The following GPAT3 variants were observed in gnomAD, a reference collection of about 807,000 sequenced individuals.
GPAT3 encodes the protein glycerol-3-phosphate acyltransferase 3.
GPAT3 carries 53 observed loss-of-function variants against 58.8 expected under a neutral mutation model. That is an observed-to-expected ratio of 0.90 (90% CI 0.72 to 1.13). The LOEUF is 1.13. Ranked by LOEUF, GPAT3 falls within the 50% of genes most tolerant of loss-of-function variation. GPAT3 has a pLI of 0.00. For missense variants in GPAT3, 511 were observed against 527.6 expected, an observed-to-expected ratio of 0.97 and a Z score of 0.31; for synonymous variants, 197 against 187.4, an observed-to-expected ratio of 1.05 and a Z score of -0.42.
intron 2 of GPAT3, among the ~76,000 whole-genome samples, chr4:83,558,852 T>C (rs1725030616): frequency 6.6e-6 from 1 of 152,180 alleles, no homozygotes; most frequent in Non-Finnish European, 1.5e-5. Context: ...TCTGTGAATC[T>C]GTTAAGTGAG....
chr4:83,581,123 C>A (rs932813978), intron 2 of GPAT3, among the ~76,000 whole-genome samples: 86 of 131,366 alleles, frequency 6.5e-4, no homozygotes, highest in African/African-American at 1.7e-3. Flanking sequence ...AAAAAAAAAT[C>A]AACTTTTTGC....
chr4:83,589,102 A>G (rs1726492940), intron 5 of GPAT3, among the ~76,000 whole-genome samples: 1 of 152,220 alleles, frequency 6.6e-6, no homozygotes, highest in Admixed American at 6.5e-5. Flanking sequence ...CAATTGGACT[A>G]TGAGTTTTAA....
intron 2 of GPAT3, among the ~76,000 whole-genome samples, chr4:83,568,507 T>C (rs1225755567): frequency 6.6e-6 from 1 of 151,140 alleles, no homozygotes; most frequent in Admixed American, 6.6e-5. Flanking sequence ...TCATTTGTAT[T>C]CACTTTTTTT....
chr4:83,560,033 C>T (rs893530365), intron 2 of GPAT3, among the ~76,000 whole-genome samples: 1 of 152,192 alleles, frequency 6.6e-6, no homozygotes, highest in Non-Finnish European at 1.5e-5. Context: ...CTTTGTGAAG[C>T]AGCCTCAGAA....
chr4:83,569,845 A>G (rs1246290951), intron 2 of GPAT3, among the ~76,000 whole-genome samples: 1 of 152,210 alleles, frequency 6.6e-6, no homozygotes, highest in Non-Finnish European at 1.5e-5. Context: ...AGTTAAAAAA[A>G]AAAGGGTGAA....
intron 6 of GPAT3, among the ~76,000 whole-genome samples, 172 bp from the exon 7 acceptor site, chr4:83,594,673 T>C (rs1726743680): frequency 6.6e-6 from 1 of 152,236 alleles, no homozygotes; most frequent in Non-Finnish European, 1.5e-5. Context: ...TACTAAAGAA[T>C]ACCTTTTTGC....
chr4:83,587,781 C>A (rs767999228), intron 4 of GPAT3, among the ~76,000 whole-genome samples: 4 of 152,162 alleles, frequency 2.6e-5, no homozygotes, highest in African/African-American at 4.8e-5. Flanking sequence ...CTCACTTCAT[C>A]TTCATAGTCT....
intron 2 of GPAT3, among the ~76,000 whole-genome samples, chr4:83,546,319 A>G (rs765877329): frequency 6.6e-6 from 1 of 150,674 alleles, no homozygotes; most frequent in South Asian, 2.1e-4. Flanking sequence ...AAGTATTTCA[A>G]TTTGGCAGGT....
At chr4:83,535,755 G>T (rs1051827295), upstream of GPAT3, 6 of 985,306 alleles carry the variant, frequency 6.1e-6, no homozygotes, top group African/African-American at 1.0e-4. Context: ...AGGTGTGGAA[G>T]CCAGAAGCGG....
intron 5 of GPAT3, among the ~76,000 whole-genome samples, chr4:83,589,026 C>T (rs1262126138): frequency 6.6e-6 from 1 of 152,080 alleles, no homozygotes; most frequent in African/African-American, 2.4e-5. Flanking sequence ...AACATTTTGC[C>T]ATTTGGCTTT....
intron 3 of GPAT3, among the ~76,000 whole-genome samples, chr4:83,585,536 C>T (rs1176035494): frequency 6.6e-6 from 1 of 151,642 alleles, no homozygotes; most frequent in Non-Finnish European, 1.5e-5. Context: ...TTCTTAAACA[C>T]ATTGGGCTGC....
At chr4:83,563,744 G>A (rs1725275286) in intron 2 of GPAT3, among the ~76,000 whole-genome samples, 1 of 151,976 alleles carries the variant, frequency 6.6e-6, no homozygotes, top group Non-Finnish European at 1.5e-5. Flanking sequence ...GCCTCCCAAA[G>A]TGTTAGGATT....
intron 2 of GPAT3, among the ~76,000 whole-genome samples, chr4:83,562,181 A>ATATATATATATATATAATATATATATAT (rs1560610652): frequency 1.8e-3 from 58 of 32,020 alleles, no homozygotes; most frequent in South Asian, 2.0e-3. Context: ...TTTATATATT[A>ATATATATATATATATAATATATATATAT]TATATATATA....
intron 2 of GPAT3, among the ~76,000 whole-genome samples, chr4:83,563,131 A>G (rs1725242047): frequency 6.6e-6 from 1 of 152,238 alleles, no homozygotes; most frequent in Admixed American, 6.5e-5. Flanking sequence ...TACAATTCTG[A>G]GGACATGCTG....
chr4:83,546,621 T>C (rs1724523292), intron 2 of GPAT3, among the ~76,000 whole-genome samples: 1 of 152,154 alleles, frequency 6.6e-6, no homozygotes, highest in Non-Finnish European at 1.5e-5. Flanking sequence ...GTGTCTACCC[T>C]TCCTTGTAGC....
intron 1 of GPAT3, among the ~76,000 whole-genome samples, chr4:83,537,432 G>A (rs1255494060): frequency 2.0e-5 from 3 of 152,076 alleles, no homozygotes; most frequent in African/African-American, 7.2e-5. Context: ...TACTCTTAGG[G>A]TTTTATTAAG....
chr4:83,550,463 T>C (rs1338918231), intron 2 of GPAT3, among the ~76,000 whole-genome samples: 1 of 152,106 alleles, frequency 6.6e-6, no homozygotes, highest in Non-Finnish European at 1.5e-5. Flanking sequence ...GTAGAGAAAA[T>C]AGTAAATGAG....
chr4:83,595,072 C>A, intron 7 of GPAT3, 112 bp downstream of exon 7: 1 of 861,962 alleles, frequency 1.2e-6, no homozygotes. Context: ...GAAACAGAGC[C>A]CTGTTTGCTG....
intron 2 of GPAT3, among the ~76,000 whole-genome samples, chr4:83,556,477 GA>G (rs1260051067): frequency 6.6e-6 from 1 of 150,956 alleles, no homozygotes; most frequent in Non-Finnish European, 1.5e-5. Context: ...CAGCCTGGGT[GA>G]CACAGTGAGA....
Sources: gnomAD v4.1 joint callset for allele counts (sites outside exome capture counted in the v4.1 genomes callset) on GRCh38, gnomAD v4.1.1 for gene constraint, MANE v1.5 for transcripts, NCBI Gene and HGNC (gene_info 2026-07-23, HGNC 2026-07-21) for gene names.